NFX1: variants seen among roughly 807,000 people sequenced by gnomAD.
NFX1 encodes the protein nuclear transcription factor, X-box binding 1.
In NFX1, 69 loss-of-function variants were observed where a neutral mutation model predicts 137.2. The observed-to-expected ratio is 0.50, with a 90% CI of 0.41 to 0.61. The LOEUF is 0.61. NFX1 is among the 20% of genes least tolerant of loss of function. NFX1 has a pLI of 0.00. For missense variants in NFX1, 1,167 were observed against 1,391.0 expected, an observed-to-expected ratio of 0.84 and a Z score of 2.56; for synonymous variants, 495 against 474.1, an observed-to-expected ratio of 1.04 and a Z score of -0.57.
intron 2 of NFX1, among the ~76,000 whole-genome samples, chr9:33,298,810 G>A (rs184763542): frequency 1.3e-5 from 2 of 152,256 alleles, no homozygotes; most frequent in East Asian, 1.9e-4. Flanking sequence ...TTAAGCTGCT[G>A]TGTGGAGAAT....
intron 20 of NFX1, 56 bp from the exon 21 acceptor site, chr9:33,364,652 A>G: frequency 6.3e-7 from 1 of 1,576,856 alleles, no homozygotes; most frequent in Non-Finnish European, 8.6e-7. Flanking sequence ...GATGGGTGAA[A>G]GGGGTTCTCA....
At chr9:33,301,452 TCTCCC>T in intron 3 of NFX1, 31 bp downstream of exon 3, 1 of 1,605,364 alleles carries the variant, frequency 6.2e-7, no homozygotes, top group East Asian at 2.2e-5. Context: ...GAGTAGTTAT[TCTCCC>T]CTATTTGATA....
At position 33,363,013 on chromosome 9, in the gene NFX1, G is replaced by A. The variant is rs138155460; in HGVS notation, c.2874-997G>A. ...GCCACCGTACCCAGCCTAAGTTCTC[G>A]TGTTCTATGGCACACTGGGGTGATG... is the stretch of plus-strand genomic sequence containing the variant. On this transcript the variant is annotated intron_variant, in intron 19 of 23. Transcript: ENST00000379540. Among the ~76,000 whole-genome samples the A allele has an allele frequency of 7.3e-4, 110 of 151,478 alleles. No homozygotes were observed. The South Asian group carries it at 8.8e-3, about 12-fold the overall frequency.
intron 11 of NFX1, among the ~76,000 whole-genome samples, chr9:33,337,965 C>T (rs962704363): frequency 6.6e-6 from 1 of 151,054 alleles, no homozygotes; most frequent in African/African-American, 2.4e-5. Context: ...AGGAGAATCG[C>T]TTGAACCTGG....
At chr9:33,364,237 G>A (rs1242427020) in intron 20 of NFX1, 129 bp downstream of exon 20, 1 of 591,900 alleles carries the variant, frequency 1.7e-6, no homozygotes, top group African/African-American at 1.9e-5. Context: ...TCTATTGTAA[G>A]AGATTATGTG....
intron 3 of NFX1, 117 bp downstream of exon 3, chr9:33,301,538 G>C: frequency 2.7e-6 from 3 of 1,104,454 alleles, no homozygotes; most frequent in Non-Finnish European, 3.8e-6. Flanking sequence ...TCTGCAGGGA[G>C]AGTATGTTAC....
chr9:33,334,739 C>G (rs1364472196), intron 11 of NFX1, among the ~76,000 whole-genome samples: 1 of 152,202 alleles, frequency 6.6e-6, no homozygotes, highest in African/African-American at 2.4e-5. Flanking sequence ...ATGCATAACT[C>G]TTGTTCTTGC....
intron 23 of NFX1, 32 bp downstream of exon 23, chr9:33,367,651 C>G (rs752178838): frequency 1.2e-6 from 2 of 1,604,762 alleles, no homozygotes; most frequent in South Asian, 2.2e-5. Flanking sequence ...CCAAGGGGAC[C>G]TGTCTGTCCA....
intron 1 of NFX1, 56 bp from the exon 2 acceptor site, chr9:33,294,364 A>C (rs886913038): frequency 2.1e-6 from 3 of 1,457,366 alleles, no homozygotes; most frequent in South Asian, 1.4e-5. Context: ...GGAGTCTATG[A>C]GTTTCATGGA....
intron 1 of NFX1, among the ~76,000 whole-genome samples, chr9:33,291,155 C>G (rs996731399): frequency 2.0e-5 from 3 of 152,224 alleles, no homozygotes; most frequent in Admixed American, 1.3e-4. Flanking sequence ...ACTCACTCCC[C>G]CTCCTGGAGT....
chr9:33,359,459 C>A (rs1823923253), intron 19 of NFX1, among the ~76,000 whole-genome samples: 1 of 152,086 alleles, frequency 6.6e-6, no homozygotes, highest in Non-Finnish European at 1.5e-5. Context: ...ATTAGCCGGG[C>A]ATGGTGGCAG....
intron 12 of NFX1, 149 bp downstream of exon 12, chr9:33,338,738 A>G: frequency 1.5e-6 from 1 of 660,136 alleles, no homozygotes; most frequent in South Asian, 2.1e-5. Context: ...TAGTCCCCAT[A>G]ACCTCTCTGC....
intron 5 of NFX1, among the ~76,000 whole-genome samples, chr9:33,307,886 C>T (rs899247496): frequency 1.3e-5 from 2 of 150,994 alleles, no homozygotes; most frequent in African/African-American, 4.9e-5. Context: ...TCACTGCAAC[C>T]GCCGCCTCTT....
intron 22 of NFX1, 142 bp downstream of exon 22, chr9:33,366,916 C>G: frequency 8.9e-7 from 1 of 1,122,950 alleles, no homozygotes. Context: ...TCTGGCACTT[C>G]CCAGATAATC....
At chr9:33,306,027 A>G (rs1821741744) in intron 4 of NFX1, among the ~76,000 whole-genome samples, 1 of 152,144 alleles carries the variant, frequency 6.6e-6, no homozygotes, top group African/African-American at 2.4e-5. Flanking sequence ...TCAGGGACAA[A>G]AGGTAGAGCT....
rs1176191453 is a variant in NFX1, at chr9:33,370,269, A to G, written c.*291A>G. 7.8e-6 allele frequency: 2 copies of G among 255,788 alleles called. No homozygotes were observed. Among genetic ancestry groups the G allele is most frequent in the African/African-American group, 2.2e-5 (1 of 44,766 alleles). The allele number at this position is 255,788 out of a possible 1,614,324, so 15.8% of individuals were successfully genotyped here. On this transcript the variant is annotated 3_prime_UTR_variant, in exon 24 of 24. Coordinates refer to ENST00000379540, the MANE Select transcript of NFX1 (RefSeq NM_002504.6). ...TGATTGCTCTGAGAGTTGAGGGACT[A>G]TTGGGCTTTATTTGGACAAACCAAA...
chr9:33,303,528 G>A (rs1244019090), intron 4 of NFX1, among the ~76,000 whole-genome samples: 1 of 152,186 alleles, frequency 6.6e-6, no homozygotes, highest in Non-Finnish European at 1.5e-5. Context: ...TTGAGACCAG[G>A]CCTGACCATG....
chr9:33,340,493 G>T (rs1564133307), intron 12 of NFX1, among the ~76,000 whole-genome samples: 2 of 152,366 alleles, frequency 1.3e-5, no homozygotes, highest in South Asian at 4.1e-4. Flanking sequence ...GGGCTGCCAT[G>T]AAGACCTCTG....
Position 33,347,131 on chromosome 9 carries a change from C to A in NFX1, c.2424+14C>A. On this transcript the variant is annotated intron_variant, in intron 15 of 23. Coordinates refer to ENST00000379540, the MANE Select transcript of NFX1 (RefSeq NM_002504.6). Reference sequence around the variant, plus strand: ...GGCAAGCATGAGGTAAGTTTTCTCTCTCAAGTGCTCATTGTTCCAGGCAGA... The same window carrying A: ...GGCAAGCATGAGGTAAGTTTTCTCTATCAAGTGCTCATTGTTCCAGGCAGA... 2 of 1,590,166 alleles carry A rather than the reference C, an allele frequency of 1.3e-6. No homozygotes were observed. Among genetic ancestry groups the A allele is most frequent in the Non-Finnish European group, 1.7e-6 (2 of 1,159,452 alleles).
Sources: allele counts gnomAD v4.1 joint callset (sites outside exome capture counted in the v4.1 genomes callset), GRCh38; gene constraint gnomAD v4.1.1; transcripts MANE v1.5; gene names NCBI Gene and HGNC (gene_info 2026-07-23, HGNC 2026-07-21).